Variants in ANXA13 observed in about 807,000 individuals in gnomAD.
ANXA13 encodes the protein annexin XIII.
Under a neutral mutation model 46.6 loss-of-function variants are expected in ANXA13, and 36 were observed. The ratio of observed to expected loss-of-function variants is 0.77; its 90% confidence interval spans 0.59 to 1.02. The LOEUF is 1.02. ANXA13 is among the 50% of genes least tolerant of loss of function. The pLI, the probability that ANXA13 is intolerant of heterozygous loss-of-function variation, is 0.00. For synonymous variants in ANXA13, 163 were observed against 152.9 expected, an observed-to-expected ratio of 1.07 and a Z score of -0.49; for missense variants, 417 against 396.5, an observed-to-expected ratio of 1.05 and a Z score of -0.44.
chr8:123,715,015 A>G (rs750879579), intron 1 of ANXA13, among the ~76,000 whole-genome samples: 4 of 152,234 alleles, frequency 2.6e-5, no homozygotes, highest in Non-Finnish European at 5.9e-5. Context: ...TAGAGCTTCC[A>G]TCATCCAACA....
chr8:123,705,799 G>A (rs1187061697), intron 2 of ANXA13, among the ~76,000 whole-genome samples: 1 of 152,166 alleles, frequency 6.6e-6, no homozygotes, highest in Non-Finnish European at 1.5e-5. Flanking sequence ...GATGGGAAAT[G>A]AATGGAGGGA....
chr8:123,706,912 G>C (rs1490466576), intron 2 of ANXA13, among the ~76,000 whole-genome samples: 2 of 152,124 alleles, frequency 1.3e-5, no homozygotes, highest in Non-Finnish European at 2.9e-5. Context: ...CTTTGCATGG[G>C]CTGTTCCCCT....
intron 3 of ANXA13, 57 bp from the exon 4 acceptor site, chr8:123,698,616 G>T: frequency 7.0e-6 from 11 of 1,572,536 alleles, no homozygotes; most frequent in Non-Finnish European, 9.6e-6. Flanking sequence ...AGGGGCAGGT[G>T]TCTGCTTGCA....
At chr8:123,712,591 C>T (rs1261736813) in intron 2 of ANXA13, 87 bp downstream of exon 2, 2 of 1,140,156 alleles carry the variant, frequency 1.8e-6, no homozygotes, top group Non-Finnish European at 2.7e-6. Flanking sequence ...AGTGAGATGT[C>T]AGCTTCCTAA....
At chr8:123,698,032 C>A (rs557195335) in intron 4 of ANXA13, among the ~76,000 whole-genome samples, 1 of 152,362 alleles carries the variant, frequency 6.6e-6, no homozygotes, top group East Asian at 1.9e-4. Context: ...CAGGCAGTGG[C>A]ACAGGCATGC....
chr8:123,708,541 C>A (rs1813590491), intron 2 of ANXA13, among the ~76,000 whole-genome samples: 1 of 152,168 alleles, frequency 6.6e-6, no homozygotes, highest in African/African-American at 2.4e-5. Context: ...GCCGCGCAGT[C>A]CCTCATTTCT....
chr8:123,718,079 G>A (rs1411477590), intron 1 of ANXA13, among the ~76,000 whole-genome samples: 1 of 152,080 alleles, frequency 6.6e-6, no homozygotes, highest in Non-Finnish European at 1.5e-5. Context: ...GACTTTTTTC[G>A]GATCTCACTT....
intron 2 of ANXA13, among the ~76,000 whole-genome samples, chr8:123,710,780 G>A (rs1005882956): frequency 6.6e-6 from 1 of 151,836 alleles, no homozygotes; most frequent in African/African-American, 2.4e-5. Flanking sequence ...TCCTCAGCTG[G>A]AAAATGGATT....
intron 2 of ANXA13, among the ~76,000 whole-genome samples, chr8:123,709,388 C>T (rs1813611076): frequency 6.6e-6 from 1 of 151,646 alleles, no homozygotes; most frequent in Non-Finnish European, 1.5e-5. Flanking sequence ...CCTTCACTCT[C>T]TCCCTCCCTC....
In ANXA13 at chr8:123,681,354, G is replaced by A. The variant is rs1813034053; in HGVS notation, c.837C>T (p.Asp279=). 1 of 1,612,956 alleles carries A rather than the reference G, an allele frequency of 6.2e-7. No homozygotes were observed. Among genetic ancestry groups the A allele is most frequent in the Non-Finnish European group, 8.5e-7 (1 of 1,179,538 alleles). The change falls in exon 11 of 11, where the codon GAC becomes GAT. Residue 279 remains aspartate (D), a synonymous_variant. Coordinates refer to ENST00000419625, the MANE Select transcript of ANXA13 (RefSeq NM_004306.4). ...GGAACTTTGCTTTGATCCCCTGAAG[G>A]TCCACCTGTAGAAAAAATAACAGCA... ...IRIVVTRAEV[D]LQGIKAKFQE... is the part of the protein sequence containing the mutation.
rs544601947 is a variant in ANXA13 at position 123,698,281 on chromosome 8, C to T, written c.357+108G>A. 8.1e-6 allele frequency: 10 copies of T among 1,240,022 alleles called. No homozygotes were observed. The Admixed American group carries it at 1.1e-4, about 13-fold the overall frequency. 76.8% of individuals were successfully genotyped at this position (1,240,022 alleles called of 1,614,324 possible). ...AAGCACACATATGTCTCCCCAGACA[C>T]CTGCTCAGTCCATGGATAGAATGCT... is the stretch of plus-strand genomic sequence containing the variant. On this transcript the variant is annotated intron_variant, in intron 4 of 10. Transcript: ENST00000419625.
chr8:123,684,254 T>C (rs1167716368), intron 10 of ANXA13, among the ~76,000 whole-genome samples: 1 of 152,244 alleles, frequency 6.6e-6, no homozygotes, highest in African/African-American at 2.4e-5. Flanking sequence ...ATTCTCTTTT[T>C]GTTCCTGCTG....
At chr8:123,735,913 C>A (rs1215186330) in intron 1 of ANXA13, 3 of 1,564,186 alleles carry the variant, frequency 1.9e-6, no homozygotes, top group Non-Finnish European at 2.6e-6. Flanking sequence ...AAATGCTGGT[C>A]CACTCCTAAA....
At chr8:123,699,351 T>C (rs1289937955) in intron 3 of ANXA13, among the ~76,000 whole-genome samples, 1 of 152,132 alleles carries the variant, frequency 6.6e-6, no homozygotes, top group East Asian at 1.9e-4. Flanking sequence ...GGCTAATTTT[T>C]AAATTTTTTT....
intron 1 of ANXA13, among the ~76,000 whole-genome samples, chr8:123,734,955 G>A (rs1042338695): frequency 1.3e-5 from 2 of 151,698 alleles, no homozygotes; most frequent in Non-Finnish European, 2.9e-5. Context: ...CCGAGAGAAG[G>A]TCCCACGGCA....
intron 8 of ANXA13, among the ~76,000 whole-genome samples, chr8:123,689,676 C>G (rs1251158742): frequency 2.0e-5 from 3 of 152,166 alleles, no homozygotes; most frequent in Non-Finnish European, 4.4e-5. Context: ...AGCTGAAGTT[C>G]AGAGTAAATT....
intron 1 of ANXA13, among the ~76,000 whole-genome samples, chr8:123,719,997 T>A (rs2129917044): frequency 6.6e-6 from 1 of 152,282 alleles, no homozygotes; most frequent in Non-Finnish European, 1.5e-5. Context: ...GGAGGTGGGA[T>A]GCTGGGTGAC....
At chr8:123,684,500 GTT>G (rs1173694900) in intron 10 of ANXA13, 108 bp downstream of exon 10, 1 of 728,836 alleles carries the variant, frequency 1.4e-6, no homozygotes, top group Non-Finnish European at 2.4e-6. Flanking sequence ...GGCCGTCTCT[GTT>G]TTACTTTTTC....
chr8:123,716,155 G>A (rs953247991), intron 1 of ANXA13, among the ~76,000 whole-genome samples: 2 of 152,034 alleles, frequency 1.3e-5, no homozygotes, highest in Non-Finnish European at 1.5e-5. Context: ...TTGCAGTTTC[G>A]GTTCCCTGCA....
Sources: allele counts gnomAD v4.1 joint callset (sites outside exome capture counted in the v4.1 genomes callset), GRCh38; gene constraint gnomAD v4.1.1; transcripts MANE v1.5; gene names NCBI Gene and HGNC (gene_info 2026-07-23, HGNC 2026-07-21).